PDE3B: variants seen among roughly 807,000 people sequenced by gnomAD.
PDE3B encodes the protein cGMP-inhibited 3',5'-cyclic phosphodiesterase 3B.
PDE3B carries 66 observed loss-of-function variants against 116.8 expected under a neutral mutation model. That is an observed-to-expected ratio of 0.56 (90% CI 0.46 to 0.69). The LOEUF is 0.69. PDE3B is among the 30% of genes least tolerant of loss of function. PDE3B has a pLI of 0.00. For missense variants in PDE3B, 1,384 were observed against 1,368.1 expected (o/e 1.01, Z -0.18); for synonymous variants, 595 against 533.6 (o/e 1.12, Z -1.59).
chr11:14,692,826 G>A (rs1212444470), intron 1 of PDE3B, among the ~76,000 whole-genome samples: 2 of 152,118 alleles, frequency 1.3e-5, no homozygotes, highest in African/African-American at 2.4e-5. Flanking sequence ...CAGTGCTCAA[G>A]AGAAAGCAAT....
At chr11:14,892,276 T>A in the PDE3B span, 1 of 1,429,098 alleles carries the variant, frequency 7.0e-7, no homozygotes, top group African/African-American at 1.4e-5. Context: ...CCTGCCATAC[T>A]CCCATTGGCA....
At position 14,801,609 on chromosome 11, in the gene PDE3B, G is replaced by A. The variant is rs746872849; in HGVS notation, c.1416-2335G>A. On this transcript the variant is annotated intron_variant, in intron 4 of 15. Transcript: ENST00000282096. ...GTGTCTTCCAGTCAGGATACATGGG[G>A]GTCAGGGACCCACTTGAGGAGGTAG... 2.0e-5 allele frequency among the ~76,000 whole-genome samples: 3 copies of A among 152,224 alleles called. No homozygotes were observed. In the South Asian group the frequency reaches 6.2e-4, roughly 32 times the overall value.
In PDE3B at chr11:14,644,753, C is replaced by A; in HGVS notation, c.678C>A (p.Ala226=). ...ACTGCGTTCTGGTGCTGCTCCTGGCCAGCTTCGTCTGGTGGGTCTCCTTCA... is the reference window on the plus strand; with the variant it reads ...ACTGCGTTCTGGTGCTGCTCCTGGCAAGCTTCGTCTGGTGGGTCTCCTTCA... ...LRHCVLVLLL[A]SFVWWVSFTS... The change falls in exon 1 of 16, where the codon GCC becomes GCA. Residue 226 remains alanine, a synonymous_variant. Transcript: ENST00000282096. 6.3e-7 allele frequency: 1 copy of A among 1,592,372 alleles called. No individual in the cohort carries two copies. The highest frequency in any genetic ancestry group is 1.3e-5 in the African/African-American group (1 of 74,780).
chr11:14,743,755 G>T (rs1856833630), intron 1 of PDE3B, among the ~76,000 whole-genome samples: 1 of 152,144 alleles, frequency 6.6e-6, no homozygotes, highest in Admixed American at 6.5e-5. Context: ...GTACTATCTG[G>T]GCCGCAATGC....
chr11:14,845,896 C>A (rs1344571835), intron 12 of PDE3B, among the ~76,000 whole-genome samples: 1 of 152,110 alleles, frequency 6.6e-6, no homozygotes, highest in Non-Finnish European at 1.5e-5. Flanking sequence ...GAGAATGGAA[C>A]CAAGATGGAA....
chr11:14,809,258 C>T (rs191206021), intron 5 of PDE3B, among the ~76,000 whole-genome samples: 14 of 152,238 alleles, frequency 9.2e-5, no homozygotes, highest in Admixed American at 5.9e-4. Flanking sequence ...GAAGTGAAAC[C>T]GTAGGTCCAC....
At chr11:14,723,129 C>T (rs551417842) in intron 1 of PDE3B, among the ~76,000 whole-genome samples, 62 of 152,314 alleles carry the variant, frequency 4.1e-4, no homozygotes, top group South Asian at 1.0e-3. Flanking sequence ...CTATCCTAAG[C>T]ATGTTATGGA....
the PDE3B span, among the ~76,000 whole-genome samples, chr11:14,885,134 T>C: frequency 3.3e-4 from 51 of 152,328 alleles, no homozygotes; most frequent in African/African-American, 1.2e-3. Context: ...TCAGAGAATT[T>C]AGGACACAAC....
chr11:14,816,540 C>G (rs549369630), intron 5 of PDE3B, among the ~76,000 whole-genome samples: 18 of 152,340 alleles, frequency 1.2e-4, no homozygotes, highest in African/African-American at 4.1e-4. Flanking sequence ...ATAGACTCAT[C>G]TTATGTGTTC....
intron 1 of PDE3B, among the ~76,000 whole-genome samples, chr11:14,730,550 CATG>C (rs1375061494): frequency 1.6e-4 from 25 of 152,274 alleles, no homozygotes; most frequent in African/African-American, 5.1e-4. Flanking sequence ...TGGTTGGACA[CATG>C]ATATTACTCT....
intron 4 of PDE3B, among the ~76,000 whole-genome samples, chr11:14,800,162 G>A (rs570710425): frequency 3.9e-5 from 6 of 152,250 alleles, no homozygotes; most frequent in African/African-American, 1.2e-4. Flanking sequence ...TGTCTGTAAA[G>A]TATTTTATTT....
At chr11:14,808,059 CAAAA>C (rs765095329) in intron 5 of PDE3B, among the ~76,000 whole-genome samples, 3 of 67,378 alleles carry the variant, frequency 4.5e-5, no homozygotes, top group Admixed American at 1.7e-4. Context: ...GCCTTCGTCT[CAAAA>C]AAAAAAAAAA....
At chr11:14,724,279 G>T (rs1043531333) in intron 1 of PDE3B, among the ~76,000 whole-genome samples, 3 of 152,160 alleles carry the variant, frequency 2.0e-5, no homozygotes, top group African/African-American at 7.2e-5. Flanking sequence ...TGTGTATGAT[G>T]ATGCTATTTA....
intron 1 of PDE3B, among the ~76,000 whole-genome samples, chr11:14,686,887 G>A (rs1228736191): frequency 1.3e-5 from 2 of 151,838 alleles, no homozygotes; most frequent in Non-Finnish European, 2.9e-5. Flanking sequence ...CTAATTTTTT[G>A]TATTTTTATT....
At chr11:14,837,836 A>G (rs1461269279) in intron 11 of PDE3B, among the ~76,000 whole-genome samples, 2 of 152,234 alleles carry the variant, frequency 1.3e-5, no homozygotes, top group Admixed American at 6.5e-5. Context: ...AAGAAGGACC[A>G]TGGGATGTGC....
chr11:14,822,427 A>C (rs1224523340), intron 7 of PDE3B, among the ~76,000 whole-genome samples: 1 of 152,236 alleles, frequency 6.6e-6, no homozygotes, highest in African/African-American at 2.4e-5. Context: ...GGATTCATCA[A>C]GAAAACAACC....
chr11:14,786,464 C>G lies in PDE3B; in HGVS notation c.1057C>G (p.Leu353Val). Reference sequence around the variant, plus strand: ...TTCTGGAGGTGGAAATGGAGTTGATCTTTCAGTGCTAAATGAGGCTCGCAA... The same window carrying G: ...TTCTGGAGGTGGAAATGGAGTTGATGTTTCAGTGCTAAATGAGGCTCGCAA... ...QNSGGGNGVDLSVLNEARNMV... is the reference protein window; with the variant it reads ...QNSGGGNGVDVSVLNEARNMV... Residue 353 changes from leucine (L) to valine (V), a missense_variant, in exon 3 of 16, where the codon CTT (leucine) becomes GTT (valine). Around this residue, in one of 2 missense-constraint regions of PDE3B, gnomAD observed 956 missense variants for 806.8 expected, o/e 1.18. Coordinates refer to ENST00000282096, the MANE Select transcript of PDE3B (RefSeq NM_000922.4). 6.2e-7 allele frequency: 1 copy of G among 1,610,864 alleles called. No individual in the cohort carries two copies. Among genetic ancestry groups the G allele is most frequent in the Non-Finnish European group, 8.5e-7 (1 of 1,178,002 alleles).
intron 1 of PDE3B, among the ~76,000 whole-genome samples, chr11:14,752,801 C>T (rs1468737159): frequency 1.3e-5 from 2 of 152,074 alleles, no homozygotes; most frequent in Non-Finnish European, 2.9e-5. Flanking sequence ...TATTCAGTCA[C>T]TTTTGTCCTC....
At chr11:14,800,053 G>T (rs1032115735) in intron 4 of PDE3B, among the ~76,000 whole-genome samples, 2 of 152,286 alleles carry the variant, frequency 1.3e-5, no homozygotes, top group East Asian at 3.9e-4. Flanking sequence ...GTATGTTTTT[G>T]CAGTGGCTGG....
Sources: gnomAD v4.1 joint callset for allele counts (sites outside exome capture counted in the v4.1 genomes callset) on GRCh38, gnomAD v4.1.1 for gene constraint, gnomAD v4.1.1 regional missense constraint, MANE v1.5 for transcripts, NCBI Gene and HGNC (gene_info 2026-07-23, HGNC 2026-07-21) for gene names.